Variants in RBM41 observed in about 807,000 individuals in gnomAD.
RBM41 encodes the protein RNA-binding protein 41.
RBM41 carries 14 observed loss-of-function variants against 30.8 expected under a neutral mutation model. The ratio of observed to expected loss-of-function variants is 0.45; its 90% CI spans 0.30 to 0.71. The LOEUF is 0.71. Ranked by LOEUF, RBM41 falls within the 30% of genes least tolerant of loss-of-function variation. The pLI is 0.08. For synonymous variants in RBM41, 120 were observed against 110.1 expected (o/e 1.09, Z -0.56); for missense variants, 276 against 326.3 (o/e 0.85, Z 1.19).
intron 5 of RBM41, among the ~76,000 whole-genome samples, chrX:107,106,083 T>C (rs1218014605): frequency 4.5e-5 from 5 of 111,367 alleles, no homozygotes; most frequent in South Asian, 3.8e-4. Flanking sequence ...GAACAGGCAA[T>C]CTACAGAATG....
At chrX:107,102,301 T>A (rs1433453443) in intron 5 of RBM41, among the ~76,000 whole-genome samples, 3 of 111,380 alleles carry the variant, frequency 2.7e-5, no homozygotes, top group Non-Finnish European at 5.6e-5. Context: ...TCCCTGATGC[T>A]TATAATAAAA....
intron 5 of RBM41, among the ~76,000 whole-genome samples, chrX:107,103,830 TGA>T (rs1216361291): frequency 9.0e-6 from 1 of 111,537 alleles, no homozygotes; most frequent in Non-Finnish European, 1.9e-5. Flanking sequence ...TAGTTGCCTC[TGA>T]GAGGGTAGGA....
At chrX:107,114,379 C>T (rs1924727826) in intron 4 of RBM41, 1 of 111,765 alleles carries the variant, frequency 8.9e-6, no homozygotes, top group African/African-American at 3.3e-5. Context: ...AAACCTTCAA[C>T]CATATTGAAA....
intron 6 of RBM41, 199 bp from the exon 7 acceptor site, chrX:107,069,601 T>C: frequency 3.1e-6 from 1 of 327,797 alleles, no homozygotes; most frequent in Non-Finnish European, 5.1e-6. Flanking sequence ...ATTACAGTCA[T>C]GTGCCACCAC....
At chrX:107,111,299 G>A (rs1042745766) in intron 5 of RBM41, among the ~76,000 whole-genome samples, 2 of 111,192 alleles carry the variant, frequency 1.8e-5, no homozygotes, top group African/African-American at 6.5e-5. Flanking sequence ...ATGCTCAACA[G>A]CACTAATCAT....
At chrX:107,085,284 A>T (rs1460380354) in intron 6 of RBM41, among the ~76,000 whole-genome samples, 2 of 96,035 alleles carry the variant, frequency 2.1e-5, no homozygotes, top group Non-Finnish European at 4.1e-5. Context: ...TTTGAGACAG[A>T]GTCTCGCTCT....
intron 7 of RBM41, 123 bp downstream of exon 7, chrX:107,069,132 T>C (rs1935950726): frequency 1.5e-6 from 1 of 655,964 alleles, no homozygotes; most frequent in Non-Finnish European, 2.2e-6. Flanking sequence ...ATATTTTTCG[T>C]TCATTGTCTT....
chrX:107,101,939 T>C (rs1923500493), intron 5 of RBM41, among the ~76,000 whole-genome samples: 1 of 111,512 alleles, frequency 9.0e-6, no homozygotes, highest in Admixed American at 9.5e-5. Context: ...AGATTGTTGG[T>C]AGAAATACGG....
chrX:107,116,636 A>T lies in RBM41; in HGVS notation c.125+14T>A. The T allele has an allele frequency of 8.3e-7, 1 of 1,208,839 alleles. No homozygotes were observed. Among genetic ancestry groups the T allele is most frequent in the Non-Finnish European group, 1.1e-6 (1 of 894,720 alleles). On this transcript the variant is annotated intron_variant, in intron 2 of 7. Coordinates refer to ENST00000685964, the MANE Select transcript of RBM41 (RefSeq NM_001324242.2). ...GAGTCTATGATACTCTCCGTTTGCAAAATCAATACCTACTCCTCAATGGAG... is the reference window on the plus strand; with the variant it reads ...GAGTCTATGATACTCTCCGTTTGCATAATCAATACCTACTCCTCAATGGAG...
Position 107,088,369 on chromosome X carries a change from ATTACT to A in RBM41, c.999+62_999+66del, listed in dbSNP as rs1922223166. On this transcript the variant is annotated intron_variant, in intron 6 of 7. Transcript: ENST00000685964. ...GTATAATCAAAGCTAATTTAAAAGT[ATTACT>A]TTAGGTAGAGGTAAATAAAAGCGAA... The A allele has an allele frequency of 4.0e-6, 4 of 1,004,647 alleles. No individual in the cohort carries two copies. In the Admixed American group the frequency reaches 1.1e-4, roughly 27 times the overall value. 82.8% of individuals were successfully genotyped at this position (1,004,647 alleles called of 1,213,427 possible). A position where few individuals can be genotyped will look rare whatever the true frequency, so the allele number is the denominator to read the frequency against.
At chrX:107,074,327 A>G (rs1936164241) in intron 6 of RBM41, among the ~76,000 whole-genome samples, 1 of 111,493 alleles carries the variant, frequency 9.0e-6, no homozygotes, top group Non-Finnish European at 1.9e-5. Flanking sequence ...CAATCAAGAC[A>G]TCGATTTTTC....
At chrX:107,067,840 C>A in intron 7 of RBM41, 147 bp from the exon 8 acceptor site, 1 of 687,327 alleles carries the variant, frequency 1.5e-6, no homozygotes, top group Non-Finnish European at 1.9e-6. Flanking sequence ...TCTATAATCT[C>A]CCATTTGCAT....
intron 5 of RBM41, among the ~76,000 whole-genome samples, chrX:107,105,871 G>A (rs1200977209): frequency 9.0e-6 from 1 of 111,637 alleles, no homozygotes; most frequent in Non-Finnish European, 1.9e-5. Flanking sequence ...ATTAATTCAA[G>A]ATGGATTAAA....
In RBM41 at chrX:107,080,587, G is replaced by GAAACAAAACAAAACAAAACAAAACA. The variant is rs200816405; in HGVS notation, c.999+7824_999+7848dup. Reference sequence around the variant, plus strand: ...AGAGCGAGACTCTGCCTCAAAACACGAAACAAAACAAAACAAAACAAAACA... The same window carrying GAAACAAAACAAAACAAAACAAAACA: ...AGAGCGAGACTCTGCCTCAAAACACGAAACAAAACAAAACAAAACAAAACAAAACAAAACAAAACAAAACAAAACA... On this transcript the variant is annotated intron_variant, in intron 6 of 7. Transcript: ENST00000685964. Among the ~76,000 whole-genome samples the GAAACAAAACAAAACAAAACAAAACA allele has an allele frequency of 4.1e-4, 44 of 106,212 alleles. 2 individuals are homozygous for GAAACAAAACAAAACAAAACAAAACA. Among genetic ancestry groups the GAAACAAAACAAAACAAAACAAAACA allele is most frequent in the East Asian group, 4.1e-3 (13 of 3,207 alleles). The allele number at this position is 106,212 out of a possible 115,157, so 92.2% of individuals were successfully genotyped here. A position where few individuals can be genotyped will look rare whatever the true frequency, so the allele number is the denominator to read the frequency against.
At chrX:107,078,330 C>T (rs1282492476) in intron 6 of RBM41, among the ~76,000 whole-genome samples, 1 of 111,314 alleles carries the variant, frequency 9.0e-6, no homozygotes, top group East Asian at 2.8e-4. Context: ...GAGTTATGCT[C>T]TCCCTCCCTG....
chrX:107,113,827 G>A (rs1383029571), intron 4 of RBM41, among the ~76,000 whole-genome samples: 2 of 111,620 alleles, frequency 1.8e-5, no homozygotes, highest in African/African-American at 3.3e-5. Context: ...GCTCTGCCAT[G>A]TCTATGATCC....
In RBM41 at chrX:107,112,437, T is replaced by C. The variant is rs951247312; in HGVS notation, c.595+960A>G. Among the ~76,000 whole-genome samples the C allele has an allele frequency of 2.7e-5, 3 of 111,306 alleles. No individual in the cohort carries two copies. In the Admixed American group the frequency reaches 2.8e-4, roughly 11 times the overall value. Reference sequence around the variant, plus strand: ...AACTTTCATACATTGCTGGTGAAAATGCAAAATGGTACAGCCACTCTGGAA... The same window carrying C: ...AACTTTCATACATTGCTGGTGAAAACGCAAAATGGTACAGCCACTCTGGAA... On this transcript the variant is annotated intron_variant, in intron 5 of 7. Coordinates refer to ENST00000685964, the MANE Select transcript of RBM41 (RefSeq NM_001324242.2).
chrX:107,062,406 A>C lies in RBM41; in HGVS notation c.*5121T>G, dbSNP rs918419201. On this transcript the variant is annotated 3_prime_UTR_variant, in exon 8 of 8. Coordinates refer to ENST00000685964, the MANE Select transcript of RBM41 (RefSeq NM_001324242.2). ...ACCTAACAGGAAGCACTTCCTTCTAAAAAGTCCAGCTTAGAAGTATGCCCC... is the reference window on the plus strand; with the variant it reads ...ACCTAACAGGAAGCACTTCCTTCTACAAAGTCCAGCTTAGAAGTATGCCCC... 9.0e-6 allele frequency among the ~76,000 whole-genome samples: 1 copy of C among 111,601 alleles called. No individual in the cohort carries two copies. Among genetic ancestry groups the C allele is most frequent in the Non-Finnish European group, 1.9e-5 (1 of 53,120 alleles).
chrX:107,065,690 G>T lies in RBM41; in HGVS notation c.*1837C>A. 1 of 1,102,557 alleles carries T rather than the reference G, an allele frequency of 9.1e-7. No individual in the cohort carries two copies. The highest frequency in any genetic ancestry group is 1.2e-6 in the Non-Finnish European group (1 of 837,407). 90.9% of individuals were successfully genotyped at this position (1,102,557 alleles called of 1,213,427 possible). A position where few individuals can be genotyped will look rare whatever the true frequency, so the allele number is the denominator to read the frequency against. ...CACGTTCTCTCCATTTGTTCCTGTG[G>T]ATTTGTCTTACCATCTGGAGTCAGT... On this transcript the variant is annotated 3_prime_UTR_variant, in exon 8 of 8. Coordinates refer to ENST00000685964, the MANE Select transcript of RBM41 (RefSeq NM_001324242.2).
Sources: allele counts gnomAD v4.1 joint callset (sites outside exome capture counted in the v4.1 genomes callset), GRCh38; gene constraint gnomAD v4.1.1; transcripts MANE v1.5; gene names NCBI Gene and HGNC (gene_info 2026-07-23, HGNC 2026-07-21).